The following MALL variants were observed in gnomAD, a reference collection of about 807,000 sequenced individuals.
MALL encodes the protein MAL-like protein.
A neutral mutation model predicts 10.3 loss-of-function variants in MALL; 2 were observed. The ratio of observed to expected loss-of-function variants is 0.19; its 90% CI spans 0.08 to 0.61. The LOEUF (loss-of-function observed/expected upper bound fraction) is 0.61, where lower values mean the gene tolerates loss of function less well. MALL is among the 20% of genes least tolerant of loss of function. The probability of loss-of-function intolerance (pLI) is 0.88; values close to 1 mark genes in which losing one functional copy is unlikely to be tolerated. For missense variants in MALL, 39 were observed against 115.2 expected, an observed-to-expected ratio of 0.34 and a Z score of 3.03; for synonymous variants, 27 against 51.8, an observed-to-expected ratio of 0.52 and a Z score of 2.05.
At position 110,107,255 on chromosome 2, in the gene MALL, C is replaced by A. The variant is rs145145764; in HGVS notation, c.105+8433G>T. 1.3e-4 allele frequency among the ~76,000 whole-genome samples: 20 copies of A among 152,240 alleles called. No homozygotes were observed. The East Asian group carries it at 3.9e-3, about 29-fold the overall frequency. On this transcript the variant is annotated intron_variant, in intron 1 of 3. Coordinates refer to ENST00000272462, the MANE Select transcript of MALL (RefSeq NM_005434.5). Reference sequence around the variant, plus strand: ...TACTGTACTACTGTTAGGAAAGATGCAGCCACCGGGGGAAGCTGGGGAGGA... The same window carrying A: ...TACTGTACTACTGTTAGGAAAGATGAAGCCACCGGGGGAAGCTGGGGAGGA...
rs898015011 is a variant in MALL at position 110,108,117 on chromosome 2, G to A, written c.105+7571C>T. Among the ~76,000 whole-genome samples, 6 of 152,172 alleles carry A rather than the reference G, an allele frequency of 3.9e-5. No homozygotes were observed. In the East Asian group the frequency reaches 7.7e-4, roughly 20 times the overall value. ...AGAAAACCAGCCCTGGTAATATGAC[G>A]AAACAAGGATCTTCAATACCCCCCA... On this transcript the variant is annotated intron_variant, in intron 1 of 3. Transcript: ENST00000272462.
chr2:110,095,263 G>A (rs565389476), intron 1 of MALL, among the ~76,000 whole-genome samples: 1 of 152,268 alleles, frequency 6.6e-6, no homozygotes, highest in African/African-American at 2.4e-5. Flanking sequence ...CCATTTTAAT[G>A]TTTATTTTTG....
At chr2:110,106,790 C>G (rs1327410967) in intron 1 of MALL, among the ~76,000 whole-genome samples, 1 of 152,080 alleles carries the variant, frequency 6.6e-6, no homozygotes, top group South Asian at 2.1e-4. Flanking sequence ...TTATTTGGAA[C>G]GGCCAAGAAC....
At chr2:110,116,194 T>G (rs1678920186), upstream of MALL, 1 of 176,746 alleles carries the variant, frequency 5.7e-6, no homozygotes, top group Non-Finnish European at 1.2e-5. Flanking sequence ...AGCCAAGCTA[T>G]CTGCAGACAG....
chr2:110,098,375 A>G (rs1678489040), intron 1 of MALL, among the ~76,000 whole-genome samples: 1 of 151,312 alleles, frequency 6.6e-6, no homozygotes, highest in Non-Finnish European at 1.5e-5. Flanking sequence ...TTAAACAACA[A>G]CTCCCCACTC....
upstream of MALL, among the ~76,000 whole-genome samples, chr2:110,117,996 GA>G (rs1678957263): frequency 6.6e-6 from 1 of 152,002 alleles, no homozygotes; most frequent in African/African-American, 2.4e-5. Context: ...GGTACCAGAG[GA>G]AAGAAAATGG....
Position 110,103,577 on chromosome 2 carries a change from G to C in MALL, c.106-11807C>G, listed in dbSNP as rs185398051. Among the ~76,000 whole-genome samples the C allele has an allele frequency of 1.1e-4, 16 of 152,324 alleles. No individual in the cohort carries two copies. In the East Asian group the frequency reaches 3.1e-3, roughly 29 times the overall value. ...GGAGACAGCTCCTGGGAATGGCGGA[G>C]AGAGCCAGCACTTCTACTGGCAAGG... On this transcript the variant is annotated intron_variant, in intron 1 of 3. Transcript: ENST00000272462.
intron 1 of MALL, among the ~76,000 whole-genome samples, chr2:110,112,573 C>G: frequency 6.8e-6 from 1 of 146,670 alleles, no homozygotes; most frequent in South Asian, 2.1e-4. Flanking sequence ...ATCAAAAAAT[C>G]AAAAAAAAAA....
upstream of MALL, chr2:110,116,183 G>A (rs1678920055): frequency 5.5e-6 from 1 of 183,196 alleles, no homozygotes; most frequent in African/African-American, 2.3e-5. Flanking sequence ...GACCAACAAT[G>A]AGCCAAGCTA....
At chr2:110,114,534 C>A (rs1042363123) in intron 1 of MALL, among the ~76,000 whole-genome samples, 1 of 151,772 alleles carries the variant, frequency 6.6e-6, no homozygotes, top group African/African-American at 2.4e-5. Context: ...AGGATGCCCA[C>A]GCTGTGCTGG....
chr2:110,106,665 T>C (rs1176457844), intron 1 of MALL, among the ~76,000 whole-genome samples: 1 of 152,122 alleles, frequency 6.6e-6, no homozygotes, highest in Non-Finnish European at 1.5e-5. Context: ...GTTTGTCAGT[T>C]TCTTAATAAA....
At chr2:110,100,007 C>G (rs535210065) in intron 1 of MALL, among the ~76,000 whole-genome samples, 100 of 152,204 alleles carry the variant, frequency 6.6e-4, no homozygotes, top group Non-Finnish European at 1.2e-3. Flanking sequence ...CCCTCACCCT[C>G]TCTTCAAACA....
chr2:110,108,244 G>A (rs1194069578), intron 1 of MALL, among the ~76,000 whole-genome samples: 1 of 152,050 alleles, frequency 6.6e-6, no homozygotes, highest in Non-Finnish European at 1.5e-5. Context: ...ATCAGGGAGG[G>A]ACCAGAAAAA....
At chr2:110,109,169 C>T (rs1446924507) in intron 1 of MALL, among the ~76,000 whole-genome samples, 1 of 152,136 alleles carries the variant, frequency 6.6e-6, no homozygotes, top group East Asian at 1.9e-4. Context: ...AGACAGGCAA[C>T]AAAGAGCATG....
At chr2:110,098,687 T>C in intron 1 of MALL, among the ~76,000 whole-genome samples, 1 of 152,164 alleles carries the variant, frequency 6.6e-6, no homozygotes, top group East Asian at 1.9e-4. Flanking sequence ...AGTGTCCAAA[T>C]AGCTCTTTGA....
chr2:110,099,431 G>C (rs528652511), intron 1 of MALL, among the ~76,000 whole-genome samples: 1 of 152,192 alleles, frequency 6.6e-6, no homozygotes, highest in African/African-American at 2.4e-5. Context: ...AGGGTCCACT[G>C]TGTTTTCAGT....
upstream of MALL, chr2:110,115,997 C>G (rs1448808027): frequency 2.6e-6 from 1 of 390,790 alleles, no homozygotes; most frequent in Non-Finnish European, 4.5e-6. Flanking sequence ...GCCTGGCCGG[C>G]GGGGGGCACA....
At chr2:110,115,274 G>C (rs17842650) in intron 1 of MALL, among the ~76,000 whole-genome samples, 1 of 152,008 alleles carries the variant, frequency 6.6e-6, no homozygotes. Context: ...AAATTCATGT[G>C]CAACATCTCC....
rs775665804 is a variant in MALL, at chr2:110,112,889, TATATATAA to T, written c.105+2791_105+2798del. ...AAACTGTGATATATATATATATGTA[TATATATAA>T]ATATATACATATATATGATGGAATA... On this transcript the variant is annotated intron_variant, in intron 1 of 3. Coordinates refer to ENST00000272462, the MANE Select transcript of MALL (RefSeq NM_005434.5). 4.2e-4 allele frequency among the ~76,000 whole-genome samples: 63 copies of T among 149,470 alleles called. 1 individual carries two copies. The highest frequency in any genetic ancestry group is 2.0e-3 in the Admixed American group (30 of 14,942).
Sources: gnomAD v4.1 joint callset for allele counts (sites outside exome capture counted in the v4.1 genomes callset) on GRCh38, gnomAD v4.1.1 for gene constraint, MANE v1.5 for transcripts, NCBI Gene and HGNC (gene_info 2026-07-23, HGNC 2026-07-21) for gene names.